The following SLC24A4 variants were observed in gnomAD, a reference collection of about 807,000 sequenced individuals.
SLC24A4 encodes sodium/potassium/calcium exchanger 4.
SLC24A4 carries 53 observed loss-of-function variants against 79.0 expected under a neutral mutation model. The observed-to-expected ratio is 0.67, with a 90% CI of 0.54 to 0.84. The LOEUF (loss-of-function observed/expected upper bound fraction) is 0.84. Ranked by LOEUF, SLC24A4 falls within the 40% of genes least tolerant of loss-of-function variation. SLC24A4 has a pLI of 0.00. For missense variants in SLC24A4, 731 were observed against 822.0 expected (o/e 0.89, Z 1.35); for synonymous variants, 323 against 323.8 (o/e 1.00, Z 0.03).
intron 12 of SLC24A4, among the ~76,000 whole-genome samples, chr14:92,475,069 T>C (rs1478387215): frequency 6.6e-6 from 1 of 151,450 alleles, no homozygotes; most frequent in East Asian, 1.9e-4. Flanking sequence ...TTACTGAGAC[T>C]CTTCTATTGA....
chr14:92,339,352 G>A (rs1193058605), intron 2 of SLC24A4, among the ~76,000 whole-genome samples: 2 of 152,236 alleles, frequency 1.3e-5, no homozygotes, highest in Non-Finnish European at 2.9e-5. Flanking sequence ...AAGTGTGGCT[G>A]CTGTAAGCTA....
Position 92,478,626 on chromosome 14 carries a change from A to G in SLC24A4, c.1256-4054A>G, listed in dbSNP as rs78432141. Among the ~76,000 whole-genome samples, 115 of 143,938 alleles carry G rather than the reference A, an allele frequency of 8.0e-4. 2 individuals carry two copies. The East Asian group carries it at 0.019, about 23-fold the overall frequency. The allele number at this position is 143,938 out of a possible 152,430, so 94.4% of individuals were successfully genotyped here. On this transcript the variant is annotated intron_variant, in intron 12 of 16. Coordinates refer to ENST00000532405, the MANE Select transcript of SLC24A4 (RefSeq NM_153646.4). Reference sequence around the variant, plus strand: ...GCTTTGTCCTAAGTTTTAAAATCACAGTGTGTAAATTTCCCAGCTTTGTTT... The same window carrying G: ...GCTTTGTCCTAAGTTTTAAAATCACGGTGTGTAAATTTCCCAGCTTTGTTT...
intron 2 of SLC24A4, among the ~76,000 whole-genome samples, chr14:92,330,856 C>T (rs944017079): frequency 6.6e-6 from 1 of 152,192 alleles, no homozygotes; most frequent in African/African-American, 2.4e-5. Context: ...CCTCCAAATA[C>T]CATCACATTG....
intron 2 of SLC24A4, among the ~76,000 whole-genome samples, chr14:92,334,147 C>T (rs188337318): frequency 6.6e-6 from 1 of 152,264 alleles, no homozygotes; most frequent in South Asian, 2.1e-4. Context: ...ATTTTAAAGT[C>T]GTTATGTAAA....
intron 2 of SLC24A4, among the ~76,000 whole-genome samples, chr14:92,363,165 G>T (rs1037720367): frequency 6.6e-6 from 1 of 152,232 alleles, no homozygotes; most frequent in Non-Finnish European, 1.5e-5. Flanking sequence ...GACTCAGACC[G>T]ACTGCTTGCT....
chr14:92,436,898 C>G (rs1892205420), intron 3 of SLC24A4, among the ~76,000 whole-genome samples: 1 of 152,152 alleles, frequency 6.6e-6, no homozygotes, highest in South Asian at 2.1e-4. Flanking sequence ...TTACCCACAC[C>G]CCTGCTATTT....
intron 16 of SLC24A4, among the ~76,000 whole-genome samples, 188 bp from the exon 17 acceptor site, chr14:92,493,288 A>C (rs190615591): frequency 2.6e-5 from 4 of 152,250 alleles, no homozygotes; most frequent in Admixed American, 1.3e-4. Context: ...TCGCCCTTTC[A>C]TGGGGCAAGT....
At chr14:92,442,267 T>G (rs1892543293) in intron 5 of SLC24A4, 94 bp downstream of exon 5, 2 of 946,550 alleles carry the variant, frequency 2.1e-6, no homozygotes, top group Non-Finnish European at 3.2e-6. Flanking sequence ...AGCCTCAGTT[T>G]TCTCATCTGT....
Position 92,398,064 on chromosome 14 carries a change from C to T in SLC24A4, c.242-35848C>T, listed in dbSNP as rs977368651. On this transcript the variant is annotated intron_variant, in intron 2 of 16. Coordinates refer to ENST00000532405, the MANE Select transcript of SLC24A4 (RefSeq NM_153646.4). The surrounding 1 kb of genome is among the most constrained non-coding windows in gnomAD (Gnocchi z 4.1). ...GACCTTCTCTGTCATAGCCCTTTATCCTCTGCCTGGCCATTGGGCAGTGAG... is the reference window on the plus strand; with the variant it reads ...GACCTTCTCTGTCATAGCCCTTTATTCTCTGCCTGGCCATTGGGCAGTGAG... Among the ~76,000 whole-genome samples the T allele has an allele frequency of 6.6e-6, 1 of 152,190 alleles. No individual in the cohort carries two copies. The highest frequency in any genetic ancestry group is 2.4e-5 in the African/African-American group (1 of 41,450).
chr14:92,482,532 T>C, intron 12 of SLC24A4, 148 bp from the exon 13 acceptor site: 2 of 656,748 alleles, frequency 3.0e-6, no homozygotes, highest in Non-Finnish European at 5.0e-6. Flanking sequence ...TATGGAGTTC[T>C]GTGATTCTGC....
chr14:92,402,238 A>G (rs1595224377), intron 2 of SLC24A4, among the ~76,000 whole-genome samples: 1 of 152,178 alleles, frequency 6.6e-6, no homozygotes. Flanking sequence ...GGCAGGCAGG[A>G]TTATTGAGTG....
At chr14:92,417,397 C>A (rs1469743832) in intron 2 of SLC24A4, among the ~76,000 whole-genome samples, 2 of 151,900 alleles carry the variant, frequency 1.3e-5, no homozygotes, top group Non-Finnish European at 2.9e-5. Flanking sequence ...TTTTGCAGGG[C>A]TGTAGAATGG....
At chr14:92,343,609 TTTCTTTCTTTC>T (rs1368238179) in intron 2 of SLC24A4, among the ~76,000 whole-genome samples, 6 of 145,940 alleles carry the variant, frequency 4.1e-5, no homozygotes, top group Non-Finnish European at 9.0e-5. Flanking sequence ...TCTTTCTTTC[TTTCTTTCTTTC>T]TTTCTTTCTT....
chr14:92,472,361 C>T (rs10150026), intron 12 of SLC24A4, among the ~76,000 whole-genome samples: 4,568 of 152,244 alleles, frequency 0.03, 241 homozygotes, highest in African/African-American at 0.1. Flanking sequence ...CCAAGCAGTA[C>T]ATACTGAACC....
intron 2 of SLC24A4, among the ~76,000 whole-genome samples, chr14:92,360,786 A>T (rs1236602677): frequency 6.6e-6 from 1 of 152,186 alleles, no homozygotes; most frequent in Non-Finnish European, 1.5e-5. Flanking sequence ...CTAGTAAGCG[A>T]CAAACTCGGT....
At chr14:92,343,859 C>T (rs1165905277) in intron 2 of SLC24A4, among the ~76,000 whole-genome samples, 2 of 151,966 alleles carry the variant, frequency 1.3e-5, no homozygotes, top group Non-Finnish European at 2.9e-5. Flanking sequence ...TGCACCACTA[C>T]ACCCAGCTAA....
intron 3 of SLC24A4, among the ~76,000 whole-genome samples, chr14:92,438,554 G>A (rs1892308839): frequency 6.6e-6 from 1 of 152,158 alleles, no homozygotes; most frequent in African/African-American, 2.4e-5. Flanking sequence ...CGAGGTAGAG[G>A]CCACAGTGAG....
intron 2 of SLC24A4, among the ~76,000 whole-genome samples, chr14:92,334,910 G>GTCA (rs988380953): frequency 6.8e-6 from 1 of 146,882 alleles, no homozygotes; most frequent in African/African-American, 2.7e-5. Flanking sequence ...CATCATCATC[G>GTCA]TCATCATCAT....
intron 12 of SLC24A4, among the ~76,000 whole-genome samples, chr14:92,463,018 T>G (rs1022969950): frequency 6.6e-6 from 1 of 152,146 alleles, no homozygotes; most frequent in Admixed American, 6.5e-5. Flanking sequence ...CTAAATAATT[T>G]GTGTGTGTGT....
Sources: allele counts gnomAD v4.1 joint callset (sites outside exome capture counted in the v4.1 genomes callset), GRCh38; gene constraint gnomAD v4.1.1; non-coding constraint Gnocchi (gnomAD v3.1); transcripts MANE v1.5; gene names NCBI Gene and HGNC (gene_info 2026-07-23, HGNC 2026-07-21).